The following GPATCH2L variants were observed in gnomAD, a reference collection of about 807,000 sequenced individuals.
The protein encoded by GPATCH2L is G patch domain-containing protein 2-like.
Under a neutral mutation model 57.4 loss-of-function variants are expected in GPATCH2L, and 31 were observed. The observed-to-expected ratio is 0.54, with a 90% confidence interval of 0.41 to 0.73. The LOEUF (loss-of-function observed/expected upper bound fraction) is 0.73. Among genes scored for constraint, GPATCH2L ranks in the 30% least tolerant of loss-of-function variants. The probability of loss-of-function intolerance (pLI) is 0.00; values close to 1 mark genes in which losing one functional copy is unlikely to be tolerated. For synonymous variants in GPATCH2L, 199 were observed against 210.7 expected (o/e 0.94, Z 0.48); for missense variants, 481 against 599.9 (o/e 0.80, Z 2.07).
rs778961772 is a variant in GPATCH2L, at chr14:76,203,218, C to T, written c.*1367C>T. ...ATTATAGTCCTTATCAATGGAAACT[C>T]CAGATTTCTTTATCAAAGGGAGGTG... On this transcript the variant is annotated 3_prime_UTR_variant, in exon 10 of 10. Coordinates refer to ENST00000261530, the MANE Select transcript of GPATCH2L (RefSeq NM_017926.4). 2 of 152,114 alleles carry T rather than the reference C, an allele frequency of 1.3e-5. No individual in the cohort carries two copies. Among genetic ancestry groups the T allele is most frequent in the Non-Finnish European group, 2.9e-5 (2 of 68,040 alleles). The allele number at this position is 152,114 out of a possible 1,614,324, so 9.4% of individuals were successfully genotyped here.
intron 8 of GPATCH2L, among the ~76,000 whole-genome samples, chr14:76,183,561 AT>A (rs1327120153): frequency 6.6e-6 from 1 of 152,026 alleles, no homozygotes; most frequent in Non-Finnish European, 1.5e-5. Context: ...TACATACATA[AT>A]TTTTTTTCAG....
rs530316940 is a variant in GPATCH2L, at chr14:76,211,718, T to G, written c.*9867T>G. On this transcript the variant is annotated 3_prime_UTR_variant, in exon 10 of 10. Transcript: ENST00000261530. The stretch of plus-strand genomic sequence containing the variant: ...CCTTTTGGACTGAACACCTTAGCAA[T>G]CATTGATATTTTAAGCCTACAGGAA... 6.6e-6 allele frequency: 1 copy of G among 152,280 alleles called. No individual in the cohort carries two copies. The highest frequency in any genetic ancestry group is 2.4e-5 in the African/African-American group (1 of 41,544). The allele number at this position is 152,280 out of a possible 1,614,324, so 9.4% of individuals were successfully genotyped here.
chr14:76,176,855 G>A (rs7144326), intron 6 of GPATCH2L, among the ~76,000 whole-genome samples, 165 bp downstream of exon 6: 31,244 of 152,108 alleles, frequency 0.21, 3,550 homozygotes, highest in African/African-American at 0.3. Flanking sequence ...ACCTGTGGCA[G>A]TGATTTTCTT....
chr14:76,168,319 G>A (rs1347774784), intron 3 of GPATCH2L, among the ~76,000 whole-genome samples: 1 of 152,220 alleles, frequency 6.6e-6, no homozygotes. Context: ...GCCTATAGGA[G>A]GCATCAACAG....
intron 1 of GPATCH2L, among the ~76,000 whole-genome samples, chr14:76,220,366 T>C (rs576457511): frequency 3.3e-5 from 5 of 152,148 alleles, no homozygotes; most frequent in African/African-American, 1.2e-4. Flanking sequence ...TATACAAATA[T>C]CAGTTGAGAT....
Position 76,195,894 on chromosome 14 carries a change from T to C in GPATCH2L, c.1210T>C (p.Trp404Arg), listed in dbSNP as rs753880511. ...CATCTGCAGACAGGCAAATGTACAC[T>C]GGGGACCACCATGTTCACGTGACAT... ...HCSARQANVHWGPPCSRDIKR... is the reference protein window; with the variant it reads ...HCSARQANVHRGPPCSRDIKR... Residue 404 changes from tryptophan (W) to arginine (R), a missense_variant, in exon 9 of 10, where the codon TGG (tryptophan) becomes CGG (arginine). By Grantham distance (101) the Trp-to-Arg change is moderately radical. Around this residue, in one of 3 missense-constraint regions of GPATCH2L, gnomAD observed 248 missense variants for 270.5 expected, o/e 0.92. Coordinates refer to ENST00000261530, the MANE Select transcript of GPATCH2L (RefSeq NM_017926.4). The C allele has an allele frequency of 6.2e-7, 1 of 1,613,602 alleles. No individual in the cohort carries two copies. Among genetic ancestry groups the C allele is most frequent in the Non-Finnish European group, 8.5e-7 (1 of 1,179,576 alleles).
intron 2 of GPATCH2L, among the ~76,000 whole-genome samples, chr14:76,159,442 C>T (rs1016514335): frequency 3.3e-5 from 5 of 152,124 alleles, no homozygotes; most frequent in African/African-American, 1.2e-4. Context: ...TCTCTACTCC[C>T]GTGGACATAG....
intron 2 of GPATCH2L, among the ~76,000 whole-genome samples, chr14:76,162,196 G>T (rs1288667110): frequency 1.3e-5 from 2 of 152,198 alleles, no homozygotes; most frequent in Non-Finnish European, 2.9e-5. Flanking sequence ...CTCGACTAGG[G>T]CTGAAGGATT....
At position 76,175,738 on chromosome 14, in the gene GPATCH2L, A is replaced by T. The variant is rs2039294316; in HGVS notation, c.985-885A>T. On this transcript the variant is annotated intron_variant, in intron 5 of 9. Coordinates refer to ENST00000261530, the MANE Select transcript of GPATCH2L (RefSeq NM_017926.4). ...TTTTTCTACAGCCAGTTCTGCTGAA[A>T]TGTGTAGCCTGATGTTTAGCACGGT... 2.0e-5 allele frequency: 3 copies of T among 152,176 alleles called. No homozygotes were observed. The South Asian group carries it at 6.2e-4, about 32-fold the overall frequency. The allele number at this position is 152,176 out of a possible 1,614,324, so 9.4% of individuals were successfully genotyped here.
At chr14:76,155,559 G>T (rs938745357) in intron 2 of GPATCH2L, among the ~76,000 whole-genome samples, 1 of 152,122 alleles carries the variant, frequency 6.6e-6, no homozygotes, top group Non-Finnish European at 1.5e-5. Flanking sequence ...CATTCAAATT[G>T]TCTGAACACA....
At chr14:76,152,343 G>A (rs1014332031) in intron 1 of GPATCH2L, among the ~76,000 whole-genome samples, 7 of 152,084 alleles carry the variant, frequency 4.6e-5, no homozygotes, top group African/African-American at 1.4e-4. Flanking sequence ...CATATATGTG[G>A]CCATGTTGCG....
rs553261928 is a variant in GPATCH2L, at chr14:76,212,019, T to C, written c.*10168T>C. ...AGTATAGGGAGGACAGGTAAATTAC[T>C]AATTTTTCATTGCTCATAGTAGAGA... On this transcript the variant is annotated 3_prime_UTR_variant, in exon 10 of 10. Coordinates refer to ENST00000261530, the MANE Select transcript of GPATCH2L (RefSeq NM_017926.4). 16 of 152,278 alleles carry C rather than the reference T, an allele frequency of 1.1e-4. No homozygotes were observed. The highest frequency in any genetic ancestry group is 3.4e-3 in the Middle Eastern group (1 of 294). The allele number at this position is 152,278 out of a possible 1,614,324, so 9.4% of individuals were successfully genotyped here.
rs570920640 is a variant in GPATCH2L at position 76,154,810 on chromosome 14, G to A, written c.447G>A (p.Val149=). 6 of 1,614,214 alleles carry A rather than the reference G, an allele frequency of 3.7e-6. No individual in the cohort carries two copies. The African/African-American group carries it at 6.7e-5, about 18-fold the overall frequency. The change falls in exon 2 of 10, where the codon GTG becomes GTA. Residue 149 remains valine, a synonymous_variant. Transcript: ENST00000261530. This position sits in a 1 kb window ranked among gnomAD's most constrained non-coding sequence, Gnocchi z 4.4. ...VAASLQQKLK[V]SDWSYERGCR... is the part of the protein sequence containing the mutation. Reference sequence around the variant, plus strand: ...CTAGCCTTCAGCAGAAGCTGAAGGTGTCAGATTGGAGCTATGAGAGAGGCT... The same window carrying A: ...CTAGCCTTCAGCAGAAGCTGAAGGTATCAGATTGGAGCTATGAGAGAGGCT...
At chr14:76,161,657 G>A (rs2038590547) in intron 2 of GPATCH2L, among the ~76,000 whole-genome samples, 1 of 152,158 alleles carries the variant, frequency 6.6e-6, no homozygotes, top group South Asian at 2.1e-4. Flanking sequence ...AGAAGCTACT[G>A]TTTAGGAAGA....
In GPATCH2L at chr14:76,205,322, C is replaced by T. The variant is rs2139835542; in HGVS notation, c.*3471C>T. The T allele has an allele frequency of 6.6e-6, 1 of 152,254 alleles. No individual in the cohort carries two copies. Among genetic ancestry groups the T allele is most frequent in the Admixed American group, 6.5e-5 (1 of 15,304 alleles). The allele number at this position is 152,254 out of a possible 1,614,324, so 9.4% of individuals were successfully genotyped here. A position where few individuals can be genotyped will look rare whatever the true frequency, so the allele number is the denominator to read the frequency against. ...AAAAAGAAATTAGTAGCTTGTTTAC[C>T]TGGTACCAGATTTGGAGGGGGCTGA... is the stretch of plus-strand genomic sequence containing the variant. On this transcript the variant is annotated 3_prime_UTR_variant, in exon 10 of 10. Transcript: ENST00000261530.
chr14:76,230,598 A>T (rs959885552), intron 2 of GPATCH2L, among the ~76,000 whole-genome samples: 2 of 152,200 alleles, frequency 1.3e-5, no homozygotes, highest in African/African-American at 4.8e-5. Flanking sequence ...TTGTGTAAAA[A>T]TACTTAATAA....
chr14:76,227,824 C>T (rs929076917), intron 1 of GPATCH2L, among the ~76,000 whole-genome samples: 5 of 152,138 alleles, frequency 3.3e-5, no homozygotes, highest in East Asian at 1.9e-4. Flanking sequence ...GGCTCAGCCC[C>T]GTGAGTCTGC....
At chr14:76,228,827 A>G (rs1004697491) in intron 1 of GPATCH2L, among the ~76,000 whole-genome samples, 1 of 152,150 alleles carries the variant, frequency 6.6e-6, no homozygotes, top group African/African-American at 2.4e-5. Context: ...CTAGGATGAA[A>G]TATCAAACCA....
chr14:76,234,774 C>G (rs1203529579), intron 2 of GPATCH2L: 2 of 152,330 alleles, frequency 1.3e-5, no homozygotes, highest in Non-Finnish European at 2.9e-5. Context: ...AACAGAGAAA[C>G]CAGCCAACCT....
Sources: gnomAD v4.1 joint callset for allele counts (sites outside exome capture counted in the v4.1 genomes callset) on GRCh38, gnomAD v4.1.1 for gene constraint, gnomAD v4.1.1 regional missense constraint, Gnocchi (gnomAD v3.1) non-coding constraint, MANE v1.5 for transcripts, NCBI Gene and HGNC (gene_info 2026-07-23, HGNC 2026-07-21) for gene names.